EPB41L3: variants seen among roughly 807,000 people sequenced by gnomAD.
The protein encoded by EPB41L3 is erythrocyte membrane protein band 4.1 like 3, also known as band 4.1-like protein 3.
Under a neutral mutation model 127.1 loss-of-function variants are expected in EPB41L3, and 57 were observed. The ratio of observed to expected loss-of-function variants is 0.45; its 90% CI spans 0.36 to 0.56. The LOEUF is 0.56. EPB41L3 is among the 20% of genes least tolerant of loss of function. The probability of loss-of-function intolerance (pLI) is 0.00; values close to 1 mark genes in which losing one functional copy is unlikely to be tolerated. For missense variants in EPB41L3, 1,273 were observed against 1,372.2 expected (o/e 0.93, Z 1.14); for synonymous variants, 572 against 549.5 (o/e 1.04, Z -0.57).
intron 3 of EPB41L3, among the ~76,000 whole-genome samples, chr18:5,611,187 T>C (rs1422649080): frequency 1.3e-5 from 2 of 152,180 alleles, no homozygotes; most frequent in East Asian, 3.8e-4. Context: ...AAAGAAATAT[T>C]TGCATGCACA....
At chr18:5,619,895 CT>C (rs1307322533) in intron 1 of EPB41L3, among the ~76,000 whole-genome samples, 2 of 152,074 alleles carry the variant, frequency 1.3e-5, no homozygotes, top group African/African-American at 2.4e-5. Context: ...AGTGAAAGTA[CT>C]GAGTTAATTC....
intron 16 of EPB41L3, chr18:5,400,924 T>C: frequency 7.8e-7 from 1 of 1,278,718 alleles, no homozygotes; most frequent in South Asian, 1.3e-5. Context: ...CACTGAAGTC[T>C]GAAGACCAAT....
chr18:5,446,470 GT>G (rs539908360), intron 3 of EPB41L3, among the ~76,000 whole-genome samples: 100 of 152,280 alleles, frequency 6.6e-4, no homozygotes, highest in African/African-American at 1.9e-3. Context: ...AACTAAATGA[GT>G]TTTTTGTTTG....
intron 3 of EPB41L3, among the ~76,000 whole-genome samples, chr18:5,465,382 A>G (rs972667968): frequency 6.6e-6 from 1 of 152,226 alleles, no homozygotes; most frequent in Admixed American, 6.5e-5. Flanking sequence ...GCACATTTAC[A>G]TAGACATTTA....
chr18:5,488,950 C>A, intron 2 of EPB41L3, 51 bp downstream of exon 2: 1 of 1,522,120 alleles, frequency 6.6e-7, no homozygotes, highest in Non-Finnish European at 8.7e-7. Flanking sequence ...AAAGCCGATC[C>A]TGGAGCAGCT....
intron 1 of EPB41L3, among the ~76,000 whole-genome samples, chr18:5,523,300 T>G (rs540248155): frequency 6.6e-6 from 1 of 152,334 alleles, no homozygotes; most frequent in South Asian, 2.1e-4. Flanking sequence ...CCAATTCTTT[T>G]GTTTCCCCAA....
At chr18:5,458,421 T>C (rs1376283413) in intron 3 of EPB41L3, among the ~76,000 whole-genome samples, 1 of 152,182 alleles carries the variant, frequency 6.6e-6, no homozygotes, top group Non-Finnish European at 1.5e-5. Flanking sequence ...ACATGATGGA[T>C]CATGGTTTCT....
intron 3 of EPB41L3, among the ~76,000 whole-genome samples, chr18:5,473,098 T>A (rs2086465724): frequency 6.6e-6 from 1 of 152,136 alleles, no homozygotes; most frequent in Non-Finnish European, 1.5e-5. Flanking sequence ...CAGATTTTTA[T>A]GTGTTATGGC....
chr18:5,526,894 A>G (rs543535210), intron 1 of EPB41L3, among the ~76,000 whole-genome samples: 27 of 152,232 alleles, frequency 1.8e-4, no homozygotes, highest in Admixed American at 5.2e-4. Context: ...TTAACTGAAG[A>G]GCTCAGAATT....
chr18:5,545,741 CT>C (rs1306524516), upstream of EPB41L3, among the ~76,000 whole-genome samples: 5 of 152,150 alleles, frequency 3.3e-5, no homozygotes, highest in East Asian at 9.6e-4. Flanking sequence ...CCTGAATTGT[CT>C]TTCAGGTGAC....
At position 5,397,412 on chromosome 18, in the gene EPB41L3, C is replaced by T. The variant is rs777130686; in HGVS notation, c.2487G>A (p.Lys829=). 3 of 1,607,760 alleles carry T rather than the reference C, an allele frequency of 1.9e-6. No individual in the cohort carries two copies. The highest frequency in any genetic ancestry group is 2.6e-6 in the Non-Finnish European group (3 of 1,176,230). ...CCGTCTCTATTCCACTGGACTCCGTCTTGGTTTCCATTTTCTGCATGGGAA... is the reference window on the plus strand; with the variant it reads ...CCGTCTCTATTCCACTGGACTCCGTTTTGGTTTCCATTTTCTGCATGGGAA... ...SQSWVQKMET[K]TESSGIETEP... is the part of the protein sequence containing the mutation. The change falls in exon 18 of 23, where the codon AAG becomes AAA. Residue 829 remains lysine (K), a synonymous_variant. Transcript: ENST00000341928. This position sits in a 1 kb window ranked among gnomAD's most constrained non-coding sequence, Gnocchi z 4.1.
chr18:5,433,839 G>A, intron 7 of EPB41L3, 64 bp downstream of exon 7: 2 of 1,526,104 alleles, frequency 1.3e-6, no homozygotes, highest in Non-Finnish European at 1.8e-6. Flanking sequence ...GGGAAGAGGT[G>A]GGTTGTGTGC....
At chr18:5,532,739 G>C (rs1002653360) in intron 1 of EPB41L3, among the ~76,000 whole-genome samples, 3 of 152,156 alleles carry the variant, frequency 2.0e-5, no homozygotes, top group African/African-American at 7.2e-5. Context: ...AGAAGACCTG[G>C]ATTCATCTTG....
intron 5 of EPB41L3, among the ~76,000 whole-genome samples, chr18:5,440,050 G>A (rs576801273): frequency 6.6e-6 from 1 of 152,276 alleles, no homozygotes; most frequent in South Asian, 2.1e-4. Context: ...AGGAAAGCAA[G>A]TTTCAACCTA....
chr18:5,419,922 T>C, intron 11 of EPB41L3, 45 bp from the exon 12 acceptor site: 1 of 1,613,908 alleles, frequency 6.2e-7, no homozygotes, highest in Non-Finnish European at 8.5e-7. Context: ...ATGGTTTTCA[T>C]TCACTGATGC....
intron 3 of EPB41L3, among the ~76,000 whole-genome samples, chr18:5,593,013 C>T (rs1487417863): frequency 3.9e-5 from 6 of 152,138 alleles, no homozygotes; most frequent in African/African-American, 1.4e-4. Context: ...CAGTGCTATG[C>T]TTGAGAGTCA....
intron 1 of EPB41L3, among the ~76,000 whole-genome samples, chr18:5,615,654 T>C (rs947075573): frequency 6.6e-6 from 1 of 152,320 alleles, no homozygotes; most frequent in East Asian, 1.9e-4. Context: ...CAGGGCAGAA[T>C]ATTGGCACAT....
chr18:5,594,575 A>G (rs1331503044), intron 3 of EPB41L3, among the ~76,000 whole-genome samples: 1 of 152,192 alleles, frequency 6.6e-6, no homozygotes, highest in Non-Finnish European at 1.5e-5. Flanking sequence ...TGTCACCCTA[A>G]ATTCCTAAGA....
chr18:5,488,582 GATAATAATA>G (rs765331687), intron 2 of EPB41L3, among the ~76,000 whole-genome samples: 3 of 148,906 alleles, frequency 2.0e-5, no homozygotes, highest in East Asian at 4.0e-4. Flanking sequence ...TGATGATGAT[GATAATAATA>G]ATAATAATAA....
Sources: allele counts gnomAD v4.1 joint callset (sites outside exome capture counted in the v4.1 genomes callset), GRCh38; gene constraint gnomAD v4.1.1; non-coding constraint Gnocchi (gnomAD v3.1); transcripts MANE v1.5; gene names NCBI Gene and HGNC (gene_info 2026-07-23, HGNC 2026-07-21).